The following SMOX variants were observed in gnomAD, a reference collection of about 807,000 sequenced individuals.
SMOX encodes spermine oxidase, also known as flavin containing amine oxidase.
In SMOX, 22 loss-of-function variants were observed where a neutral mutation model predicts 51.0. That is an observed-to-expected ratio of 0.43 (90% CI 0.31 to 0.62). The LOEUF (loss-of-function observed/expected upper bound fraction) is 0.62. Among genes scored for constraint, SMOX ranks in the 20% least tolerant of loss-of-function variants. The pLI is 0.10. For missense variants in SMOX, 566 were observed against 777.7 expected (o/e 0.73, Z 3.24); for synonymous variants, 282 against 307.8 (o/e 0.92, Z 0.88).
chr20:4,158,984 A>G (rs976914330), intron 1 of SMOX, among the ~76,000 whole-genome samples: 2 of 150,298 alleles, frequency 1.3e-5, no homozygotes, highest in African/African-American at 4.9e-5. Flanking sequence ...TTAAACACAC[A>G]GGGACCTTTT....
chr20:4,159,924 TA>T (rs1986226829), intron 1 of SMOX, among the ~76,000 whole-genome samples: 1 of 152,202 alleles, frequency 6.6e-6, no homozygotes, highest in African/African-American at 2.4e-5. Flanking sequence ...GTGGTCTTCT[TA>T]GGAGAGCACA....
chr20:4,186,611 C>A, intron 6 of SMOX: 1 of 669,694 alleles, frequency 1.5e-6, no homozygotes, highest in Non-Finnish European at 2.7e-6. Flanking sequence ...AAGGTCCTGT[C>A]CTCTGGGAAG....
At chr20:4,176,531 C>T (rs1978866699) in intron 2 of SMOX, among the ~76,000 whole-genome samples, 1 of 152,170 alleles carries the variant, frequency 6.6e-6, no homozygotes, top group South Asian at 2.1e-4. Context: ...CAAAACGAAA[C>T]ACCCCCCAAA....
rs201599922 is a variant in SMOX, at chr20:4,181,942, G to A, written c.575G>A (p.Arg192His). ...NDPDDPEATKRLKLAMIQQYL... is the reference protein window; with the variant it reads ...NDPDDPEATKHLKLAMIQQYL... Reference sequence around the variant, plus strand: ...CCTGACGACCCAGAGGCTACCAAGCGCCTGAAGCTCGCCATGATCCAGCAG... The same window carrying A: ...CCTGACGACCCAGAGGCTACCAAGCACCTGAAGCTCGCCATGATCCAGCAG... The change falls in exon 4 of 7, where the codon CGC (arginine) becomes CAC (histidine). Residue 192 changes from arginine (R) to histidine (H), a missense_variant. Coordinates refer to ENST00000305958, the MANE Select transcript of SMOX (RefSeq NM_175839.3). This position sits in a 1 kb window ranked among gnomAD's most constrained non-coding sequence, Gnocchi z 5.6. 6.9e-5 allele frequency: 112 copies of A among 1,614,080 alleles called. No individual in the cohort carries two copies. Among genetic ancestry groups the A allele is most frequent in the Non-Finnish European group, 8.9e-5 (105 of 1,180,012 alleles).
intron 1 of SMOX, among the ~76,000 whole-genome samples, chr20:4,157,280 T>G (rs1163001623): frequency 1.3e-5 from 2 of 152,136 alleles, no homozygotes; most frequent in African/African-American, 4.8e-5. Context: ...CTCTTACTAC[T>G]GGATTTGACA....
chr20:4,175,291 A>G, intron 2 of SMOX, 28 bp downstream of exon 2: 1 of 1,604,734 alleles, frequency 6.2e-7, no homozygotes, highest in Non-Finnish European at 8.5e-7. Context: ...CAGCCCAGCC[A>G]CCTCCCCAGG....
At position 4,182,897 on chromosome 20, in the gene SMOX, A is replaced by G. The variant is rs746405013; in HGVS notation, c.1369+49A>G. The G allele has an allele frequency of 1.6e-5, 25 of 1,560,132 alleles. No homozygotes were observed. Among genetic ancestry groups the G allele is most frequent in the African/African-American group, 4.0e-5 (3 of 74,298 alleles). ...GCTTCCCCCACCCTGCTTCTTCCTC[A>G]CCTGCCCTCCTCTGGTGGACCCATG... On this transcript the variant is annotated intron_variant, in intron 5 of 6. Coordinates refer to ENST00000305958, the MANE Select transcript of SMOX (RefSeq NM_175839.3). The surrounding 1 kb of genome is among the most constrained non-coding windows in gnomAD (Gnocchi z 8.4).
chr20:4,158,105 T>A (rs1243529943), intron 1 of SMOX, among the ~76,000 whole-genome samples: 13 of 150,016 alleles, frequency 8.7e-5, no homozygotes, highest in Admixed American at 2.7e-4. Flanking sequence ...TTTCACCTTG[T>A]TAGCCAGGAT....
chr20:4,171,239 T>C (rs1741312), intron 1 of SMOX, among the ~76,000 whole-genome samples: 151,560 of 152,314 alleles, frequency 1, 75,404 homozygotes, highest in East Asian at 1. Flanking sequence ...ACCATTTAAG[T>C]GATTCTCCTT....
intron 1 of SMOX, among the ~76,000 whole-genome samples, chr20:4,155,429 A>G (rs1390261123): frequency 6.6e-6 from 1 of 151,390 alleles, no homozygotes; most frequent in Non-Finnish European, 1.5e-5. Context: ...GGGGGCCTGG[A>G]TGCTTCTCTC....
chr20:4,164,376 C>A (rs552574174), intron 1 of SMOX, among the ~76,000 whole-genome samples: 3 of 152,310 alleles, frequency 2.0e-5, no homozygotes, highest in East Asian at 1.9e-4. Context: ...GATAAGCCAT[C>A]TGCATGCGTT....
rs1259218523 is a variant in SMOX at position 4,181,626 on chromosome 20, C to G, written c.436-177C>G. Among the ~76,000 whole-genome samples, 1 of 152,170 alleles carries G rather than the reference C, an allele frequency of 6.6e-6. No homozygotes were observed. The highest frequency in any genetic ancestry group is 1.5e-5 in the Non-Finnish European group (1 of 68,032). On this transcript the variant is annotated intron_variant, in intron 3 of 6. Coordinates refer to ENST00000305958, the MANE Select transcript of SMOX (RefSeq NM_175839.3). This position sits in a 1 kb window ranked among gnomAD's most constrained non-coding sequence, Gnocchi z 5.6. The stretch of plus-strand genomic sequence containing the variant: ...AGGCCGGAGGCGAGGAGGTGGCTGC[C>G]CGGGGCCTTGGCTTTTGGTGCAGCA...
chr20:4,150,432 C>T (rs1238768548), intron 1 of SMOX, among the ~76,000 whole-genome samples: 1 of 152,184 alleles, frequency 6.6e-6, no homozygotes, highest in Non-Finnish European at 1.5e-5. Context: ...CAGTATCCTC[C>T]CTTGGCTTCT....
intron 1 of SMOX, among the ~76,000 whole-genome samples, chr20:4,154,213 G>T (rs537107907): frequency 6.6e-6 from 1 of 152,110 alleles, no homozygotes; most frequent in Non-Finnish European, 1.5e-5. Flanking sequence ...GCCTTTGAAG[G>T]TTATAGGGCA....
intron 1 of SMOX, among the ~76,000 whole-genome samples, chr20:4,162,438 C>T (rs1461492364): frequency 2.0e-5 from 3 of 152,238 alleles, no homozygotes; most frequent in African/African-American, 7.2e-5. Flanking sequence ...TGAGCCTCTG[C>T]ACGTGCAGTT....
At position 4,149,644 on chromosome 20, in the gene SMOX, A is replaced by AG. The variant is rs549264460; in HGVS notation, c.-27+671dup. ...TGTGTTGGAGGGCTCACTTTGTGGG[A>AG]GGGGCTGAGGGAAGCCACTGCCCTG... On this transcript the variant is annotated intron_variant, in intron 1 of 6. Transcript: ENST00000305958. The surrounding 1 kb of genome is among the most constrained non-coding windows in gnomAD (Gnocchi z 6.0). Among the ~76,000 whole-genome samples, 472 of 151,908 alleles carry AG rather than the reference A, an allele frequency of 3.1e-3. No individual in the cohort carries two copies. The highest frequency in any genetic ancestry group is 5.3e-3 in the Non-Finnish European group (358 of 67,926).
chr20:4,174,083 G>A (rs775703685), intron 1 of SMOX, among the ~76,000 whole-genome samples: 1 of 152,224 alleles, frequency 6.6e-6, no homozygotes, highest in Non-Finnish European at 1.5e-5. Context: ...TGGGTGGCTG[G>A]GAAAACAACC....
intron 6 of SMOX, among the ~76,000 whole-genome samples, chr20:4,184,161 CTT>C (rs11418906): frequency 1.5e-4 from 20 of 137,746 alleles, no homozygotes; most frequent in Non-Finnish European, 8.0e-5. Flanking sequence ...AATTTTTGTA[CTT>C]TTTTTTTTTT....
chr20:4,175,275 C>G lies in SMOX; in HGVS notation c.208+12C>G, dbSNP rs778017528. ...GAGTGTGAAACTTGGTAAGTGCCACCCAGTCCAGCCCAGCCACCTCCCCAG... is the reference window on the plus strand; with the variant it reads ...GAGTGTGAAACTTGGTAAGTGCCACGCAGTCCAGCCCAGCCACCTCCCCAG... On this transcript the variant is annotated intron_variant, in intron 2 of 6. Transcript: ENST00000305958. 38 of 1,611,108 alleles carry G rather than the reference C, an allele frequency of 2.4e-5. No homozygotes were observed. The highest frequency in any genetic ancestry group is 2.5e-5 in the Non-Finnish European group (30 of 1,177,770).
Sources: allele counts gnomAD v4.1 joint callset (sites outside exome capture counted in the v4.1 genomes callset), GRCh38; gene constraint gnomAD v4.1.1; non-coding constraint Gnocchi (gnomAD v3.1); transcripts MANE v1.5; gene names NCBI Gene and HGNC (gene_info 2026-07-23, HGNC 2026-07-21).